Variants in PCDHA4 observed in about 807,000 individuals in gnomAD.
PCDHA4 encodes the protein protocadherin alpha-4.
PCDHA4 carries 49 observed loss-of-function variants against 61.4 expected under a neutral mutation model. The observed-to-expected ratio is 0.80, with a 90% CI of 0.63 to 1.01. The LOEUF is 1.01. PCDHA4 is among the 50% of genes least tolerant of loss of function. PCDHA4 has a pLI of 0.00. For missense variants in PCDHA4, 1,254 were observed against 1,235.8 expected (o/e 1.01, Z -0.22); for synonymous variants, 590 against 550.3 (o/e 1.07, Z -1.01).
chr5:140,882,555 G>A (rs1554174539), intron 1 of PCDHA4: 1 of 1,614,272 alleles, frequency 6.2e-7, no homozygotes, highest in Admixed American at 1.7e-5. Flanking sequence ...GAGGAGCTGT[G>A]TGGGCGGAGC....
At chr5:140,927,349 G>T in intron 1 of PCDHA4, 1 of 1,614,016 alleles carries the variant, frequency 6.2e-7, no homozygotes, top group Non-Finnish European at 8.5e-7. Flanking sequence ...AGATGACGAC[G>T]AGGGAAGCAA....
chr5:140,932,920 A>G (rs1397195310), intron 1 of PCDHA4, among the ~76,000 whole-genome samples: 3 of 152,034 alleles, frequency 2.0e-5, no homozygotes, highest in Non-Finnish European at 4.4e-5. Flanking sequence ...CAACAACTAA[A>G]TTAACTTAGC....
chr5:140,935,080 C>G (rs1163743447), intron 1 of PCDHA4, among the ~76,000 whole-genome samples: 2 of 152,076 alleles, frequency 1.3e-5, no homozygotes, highest in Non-Finnish European at 2.9e-5. Context: ...TGTACATTTC[C>G]TTTCCCAGAA....
chr5:140,946,156 T>G (rs138161459), intron 1 of PCDHA4, among the ~76,000 whole-genome samples: 1 of 151,944 alleles, frequency 6.6e-6, no homozygotes, highest in Non-Finnish European at 1.5e-5. Flanking sequence ...TAACACGATT[T>G]AAAAGATGGG....
chr5:140,979,999 C>G (rs1563478157), intron 2 of PCDHA4, among the ~76,000 whole-genome samples: 1 of 152,172 alleles, frequency 6.6e-6, no homozygotes, highest in African/African-American at 2.4e-5. Context: ...TTAACATACT[C>G]TCAAGCATTA....
In PCDHA4 at chr5:140,848,538, C is replaced by T. The variant is rs1354116035; in HGVS notation, c.2385+38966C>T. 7 of 1,595,202 alleles carry T rather than the reference C, an allele frequency of 4.4e-6. No individual in the cohort carries two copies. The Admixed American group carries it at 1.0e-4, about 23-fold the overall frequency. ...AGGAGATCCAGAGGGTCAGCCTCTA[C>T]TGCTCTCGCTTCTGATCCTCGCAAT... is the stretch of plus-strand genomic sequence containing the variant. On this transcript the variant is annotated intron_variant, in intron 1 of 3. Transcript: ENST00000530339.
intron 1 of PCDHA4, among the ~76,000 whole-genome samples, chr5:140,933,127 A>G (rs1311388252): frequency 6.6e-6 from 1 of 151,992 alleles, no homozygotes; most frequent in East Asian, 1.9e-4. Flanking sequence ...AAGCTAAATA[A>G]TAAAGGTAGA....
intron 1 of PCDHA4, chr5:140,853,446 T>C: frequency 1.0e-6 from 1 of 980,482 alleles, no homozygotes; most frequent in Non-Finnish European, 1.2e-6. Context: ...TTTTGCCTAA[T>C]AGGTCTCCTT....
chr5:140,843,218 A>C, intron 1 of PCDHA4: 1 of 1,596,010 alleles, frequency 6.3e-7, no homozygotes, highest in Non-Finnish European at 8.6e-7. Context: ...CGAGATCAGC[A>C]CCACTCGTGT....
In PCDHA4 at chr5:140,848,069, G is replaced by A. The variant is rs116084528; in HGVS notation, c.2385+38497G>A. 759 of 162,530 alleles carry A rather than the reference G, an allele frequency of 4.7e-3. 42 individuals are homozygous for A. The highest frequency in any genetic ancestry group is 0.017 in the African/African-American group (710 of 41,160). 10.1% of individuals were successfully genotyped at this position (162,530 alleles called of 1,614,324 possible). A position where few individuals can be genotyped will look rare whatever the true frequency, so the allele number is the denominator to read the frequency against. ...TTTTAATTGTTACTTCATTTCTGTC[G>A]TTATTTAAAACTTAAGTGGAGAGTT... On this transcript the variant is annotated intron_variant, in intron 1 of 3. Transcript: ENST00000530339.
In PCDHA4 at chr5:140,823,771, G is replaced by C. The variant is rs2150128985; in HGVS notation, c.2385+14199G>C. The C allele has an allele frequency of 4.5e-5, 73 of 1,613,760 alleles. No homozygotes were observed. The highest frequency in any genetic ancestry group is 6.7e-5 in the African/African-American group (5 of 74,940). On this transcript the variant is annotated intron_variant, in intron 1 of 3. Coordinates refer to ENST00000530339, the MANE Select transcript of PCDHA4 (RefSeq NM_018907.4). ...GCTGACAGCCACAGCCACAGTGCTG[G>C]TGTCGCTGGTGGAAAGTGGCCAGGC... is the stretch of plus-strand genomic sequence containing the variant.
chr5:140,882,265 T>C, intron 1 of PCDHA4: 1 of 1,609,948 alleles, frequency 6.2e-7, no homozygotes, highest in Non-Finnish European at 8.5e-7. Flanking sequence ...TTTTGGAGTG[T>C]ACCATGCTGT....
At chr5:140,856,879 G>A in intron 1 of PCDHA4, 1 of 1,593,884 alleles carries the variant, frequency 6.3e-7, no homozygotes, top group Non-Finnish European at 8.6e-7. Context: ...AGGAAATGAT[G>A]TATTCATTTA....
intron 1 of PCDHA4, among the ~76,000 whole-genome samples, chr5:140,892,396 T>G (rs1263522999): frequency 1.3e-5 from 2 of 152,212 alleles, no homozygotes; most frequent in Non-Finnish European, 2.9e-5. Context: ...TCTTAATCTA[T>G]TTCAAGCTTC....
intron 1 of PCDHA4, chr5:140,882,107 A>C: frequency 7.3e-7 from 1 of 1,367,220 alleles, no homozygotes; most frequent in Non-Finnish European, 9.8e-7. Flanking sequence ...TTCCGCGAAG[A>C]AAGCCGCCGT....
Position 140,809,534 on chromosome 5 carries a change from G to T in PCDHA4, c.2347G>T (p.Glu783Ter). ...SPSLPDSRDR[E>*]DQLQTTEESF... Reference sequence around the variant, plus strand: ...CAGTTTACCTGACTCTAGGGACAGAGAAGATCAGCTGCAGACAACTGAGGA... The same window carrying T: ...CAGTTTACCTGACTCTAGGGACAGATAAGATCAGCTGCAGACAACTGAGGA... Residue 783 changes from glutamate (E) to a stop codon, truncating the protein, a stop_gained, in exon 1 of 4, where the codon GAA (glutamate) becomes TAA (stop). Transcript: ENST00000530339. LOFTEE classifies it high-confidence loss of function. 6.2e-7 allele frequency: 1 copy of T among 1,613,938 alleles called. No homozygotes were observed. Among genetic ancestry groups the T allele is most frequent in the South Asian group, 1.1e-5 (1 of 91,058 alleles).
chr5:140,896,046 G>A (rs1430238321), intron 1 of PCDHA4, among the ~76,000 whole-genome samples: 2 of 151,866 alleles, frequency 1.3e-5, no homozygotes, highest in East Asian at 1.9e-4. Context: ...CCTGACCTCA[G>A]GTGATCCGCC....
chr5:140,952,023 C>T (rs183831358), intron 1 of PCDHA4, among the ~76,000 whole-genome samples: 2 of 152,236 alleles, frequency 1.3e-5, no homozygotes, highest in African/African-American at 2.4e-5. Flanking sequence ...CATGCAAGTC[C>T]GAAATCCAGT....
intron 1 of PCDHA4, among the ~76,000 whole-genome samples, chr5:140,846,800 G>A (rs1554141497): frequency 6.7e-6 from 1 of 149,352 alleles, no homozygotes; most frequent in African/African-American, 2.5e-5. Flanking sequence ...CCCAGCCCCT[G>A]GCTTTAAAAT....
Sources: allele counts gnomAD v4.1 joint callset (sites outside exome capture counted in the v4.1 genomes callset), GRCh38; gene constraint gnomAD v4.1.1; transcripts MANE v1.5; gene names NCBI Gene and HGNC (gene_info 2026-07-23, HGNC 2026-07-21).